TNFSF4: variants seen among roughly 807,000 people sequenced by gnomAD.
TNFSF4 encodes TNF superfamily member 4.
In TNFSF4, 4 loss-of-function variants were observed where a neutral mutation model predicts 7.3. The observed-to-expected ratio is 0.55, with a 90% CI of 0.27 to 1.25. The LOEUF is 1.25. Among genes scored for constraint, TNFSF4 ranks in the 50% most tolerant of loss-of-function variants. TNFSF4 has a pLI of 0.12. For missense variants in TNFSF4, 181 were observed against 208.8 expected, an observed-to-expected ratio of 0.87 and a Z score of 0.82; for synonymous variants, 76 against 83.7, an observed-to-expected ratio of 0.91 and a Z score of 0.50.
chr1:173,424,303 T>G, the TNFSF4 span, among the ~76,000 whole-genome samples: 1 of 152,182 alleles, frequency 6.6e-6, no homozygotes, highest in Non-Finnish European at 1.5e-5. Flanking sequence ...ATGGGAAGCA[T>G]AAAGATGAAT....
chr1:173,225,251 T>C, the TNFSF4 span, among the ~76,000 whole-genome samples: 1 of 152,208 alleles, frequency 6.6e-6, no homozygotes, highest in Non-Finnish European at 1.5e-5. Context: ...GAAAGGGAAG[T>C]CACACTTTCT....
the TNFSF4 span, among the ~76,000 whole-genome samples, chr1:173,219,791 C>A: frequency 3.3e-5 from 5 of 151,862 alleles, no homozygotes; most frequent in Admixed American, 3.3e-4. Context: ...GTGAACTAAC[C>A]CAGGAATGGA....
the TNFSF4 span, among the ~76,000 whole-genome samples, chr1:173,235,858 T>A: frequency 6.6e-6 from 1 of 152,232 alleles, no homozygotes. Flanking sequence ...CTAGAGCTTA[T>A]TCATCTTGCT....
At chr1:173,329,843 A>T in the TNFSF4 span, among the ~76,000 whole-genome samples, 91 of 152,156 alleles carry the variant, frequency 6.0e-4, 1 homozygote, top group Non-Finnish European at 2.6e-4. Context: ...GAAAAAAAAA[A>T]TGCAGGAACA....
chr1:173,324,052 C>T, the TNFSF4 span, among the ~76,000 whole-genome samples: 1 of 152,132 alleles, frequency 6.6e-6, no homozygotes, highest in South Asian at 2.1e-4. Flanking sequence ...CTCCAAGACA[C>T]ATAATTGTCG....
At chr1:173,333,554 G>A in the TNFSF4 span, among the ~76,000 whole-genome samples, 1 of 152,086 alleles carries the variant, frequency 6.6e-6, no homozygotes, top group African/African-American at 2.4e-5. Context: ...CCCCCGTGAT[G>A]GGAATAGAAC....
the TNFSF4 span, among the ~76,000 whole-genome samples, chr1:173,248,450 G>A: frequency 6.9e-6 from 1 of 145,724 alleles, no homozygotes; most frequent in Non-Finnish European, 1.5e-5. Flanking sequence ...AGGAGAAAGA[G>A]AGAGGGAGAA....
At chr1:173,347,878 C>G in the TNFSF4 span, among the ~76,000 whole-genome samples, 1 of 152,180 alleles carries the variant, frequency 6.6e-6, no homozygotes, top group Non-Finnish European at 1.5e-5. Context: ...ACTCACTAGA[C>G]GCCAGTAGCT....
At chr1:173,335,372 G>A in the TNFSF4 span, among the ~76,000 whole-genome samples, 1 of 152,146 alleles carries the variant, frequency 6.6e-6, no homozygotes, top group Non-Finnish European at 1.5e-5. Context: ...TCTTTGAAGA[G>A]CTCTGTGATC....
the TNFSF4 span, among the ~76,000 whole-genome samples, chr1:173,354,930 C>A: frequency 1.1e-4 from 16 of 152,116 alleles, no homozygotes; most frequent in Non-Finnish European, 1.5e-5. Flanking sequence ...ACAAACAATG[C>A]CTTCGATCAG....
chr1:173,196,110 G>C (rs1571194586), intron 1 of TNFSF4, among the ~76,000 whole-genome samples: 1 of 152,150 alleles, frequency 6.6e-6, no homozygotes, highest in Non-Finnish European at 1.5e-5. Flanking sequence ...GACAGACATG[G>C]TCTATTCTCA....
At chr1:173,431,791 G>A in the TNFSF4 span, among the ~76,000 whole-genome samples, 5 of 152,264 alleles carry the variant, frequency 3.3e-5, no homozygotes, top group East Asian at 1.9e-4. Context: ...GTTGGATTTC[G>A]ATCTTGGCCA....
At chr1:173,406,053 G>A in the TNFSF4 span, among the ~76,000 whole-genome samples, 1,572 of 152,318 alleles carry the variant, frequency 0.01, 13 homozygotes, top group Non-Finnish European at 0.017. Flanking sequence ...TATCTGGTAA[G>A]GAGGGTGGGC....
the TNFSF4 span, chr1:173,351,845 T>C: frequency 1.7e-6 from 1 of 602,332 alleles, no homozygotes. Context: ...AAAAGGCCAA[T>C]GGCACAACTG....
At chr1:173,379,819 A>C in the TNFSF4 span, among the ~76,000 whole-genome samples, 3 of 152,204 alleles carry the variant, frequency 2.0e-5, no homozygotes, top group Non-Finnish European at 4.4e-5. Flanking sequence ...AGGACACTTT[A>C]AAACAGACTG....
At chr1:173,351,019 G>C in the TNFSF4 span, among the ~76,000 whole-genome samples, 3 of 152,154 alleles carry the variant, frequency 2.0e-5, no homozygotes, top group South Asian at 2.1e-4. Context: ...CATAGGAAAA[G>C]TACACACTCT....
chr1:173,180,459 G>C (rs984597727), downstream of TNFSF4, among the ~76,000 whole-genome samples: 114 of 152,238 alleles, frequency 7.5e-4, 1 homozygote, highest in African/African-American at 2.7e-3. Flanking sequence ...AATTATATAA[G>C]TAATGTATTA....
At chr1:173,250,967 A>T in the TNFSF4 span, among the ~76,000 whole-genome samples, 1 of 152,214 alleles carries the variant, frequency 6.6e-6, no homozygotes, top group East Asian at 1.9e-4. Flanking sequence ...TGTAGTCCCC[A>T]CATCAGCACC....
chr1:173,212,895 CATAA>C, the TNFSF4 span, among the ~76,000 whole-genome samples: 5,493 of 151,880 alleles, frequency 0.036, 155 homozygotes, highest in Middle Eastern at 0.058. Context: ...CAAAAATATA[CATAA>C]ATAAATAAAT....
Sources: gnomAD v4.1 joint callset for allele counts (sites outside exome capture counted in the v4.1 genomes callset) on GRCh38, gnomAD v4.1.1 for gene constraint, MANE v1.5 for transcripts, NCBI Gene and HGNC (gene_info 2026-07-23, HGNC 2026-07-21) for gene names.